The following ZNF827 variants were observed in gnomAD, a reference collection of about 807,000 sequenced individuals.
ZNF827 encodes zinc finger protein 827.
Under a neutral mutation model 102.4 loss-of-function variants are expected in ZNF827, and 13 were observed. The observed-to-expected ratio is 0.13, with a 90% confidence interval of 0.08 to 0.20. ZNF827 has a LOEUF of 0.20. Among genes scored for constraint, ZNF827 ranks in the 10% least tolerant of loss-of-function variants. The probability of loss-of-function intolerance (pLI) is 1.00; values close to 1 mark genes in which losing one functional copy is unlikely to be tolerated. For missense variants in ZNF827, 1,103 were observed against 1,344.4 expected (o/e 0.82, Z 2.81); for synonymous variants, 523 against 536.2 (o/e 0.98, Z 0.34).
intron 5 of ZNF827, among the ~76,000 whole-genome samples, chr4:145,858,443 G>A (rs1208858704): frequency 6.6e-6 from 1 of 151,928 alleles, no homozygotes; most frequent in African/African-American, 2.4e-5. Flanking sequence ...AACAGCCTGG[G>A]TGGGTAACAT....
Position 145,903,104 on chromosome 4 carries a change from T to G in ZNF827, c.155A>C (p.Tyr52Ser), listed in dbSNP as rs1308090747. ...GATCCGGTCCTCCAGAGACAACTTA[T>G]AGTTCTCCTGGACTTCCCCATAGGA... Reference protein sequence around the residue: ...EASYGEVQENYKLSLEDRIQE... With the variant: ...EASYGEVQENSKLSLEDRIQE... The change falls in exon 2 of 15, where the codon TAT becomes TCT. Residue 52 changes from tyrosine (Y) to serine (S), a missense_variant. Tyr to Ser is a moderately radical substitution (Grantham distance 144, BLOSUM62 -2). This residue lies in a region of ZNF827 where 441 missense variants were observed against 458.6 expected (regional missense o/e 0.96). Coordinates refer to ENST00000508784, the MANE Select transcript of ZNF827 (RefSeq NM_001306215.2). The G allele has an allele frequency of 1.2e-6, 2 of 1,614,198 alleles. No individual in the cohort carries two copies. The highest frequency in any genetic ancestry group is 2.2e-5 in the South Asian group (2 of 91,074).
intron 8 of ZNF827, among the ~76,000 whole-genome samples, chr4:145,800,441 C>T (rs2127101804): frequency 6.6e-6 from 1 of 151,652 alleles, no homozygotes. Context: ...GCAACCTCTA[C>T]CTCCCTGGAT....
intron 8 of ZNF827, chr4:145,820,030 CCA>C (rs1742993276): frequency 6.6e-6 from 1 of 152,350 alleles, no homozygotes; most frequent in Non-Finnish European, 1.5e-5. Flanking sequence ...TCTTCACAGT[CCA>C]CAGTTCTACC....
intron 8 of ZNF827, among the ~76,000 whole-genome samples, chr4:145,812,497 ATATTTATT>A (rs71592421): frequency 0.24 from 34,136 of 143,700 alleles, 4,099 homozygotes; most frequent in Admixed American, 0.28. Context: ...AAACCATTTT[ATATTTATT>A]TATTTATTTA....
chr4:145,829,948 G>A lies in ZNF827; in HGVS notation c.2280-6423C>T, dbSNP rs151199358. ...GAGAAACCCTCCAGGAGTTACACAC[G>A]GCATTAACATTTTGAAGTGTACAGG... On this transcript the variant is annotated intron_variant, in intron 7 of 14. Coordinates refer to ENST00000508784, the MANE Select transcript of ZNF827 (RefSeq NM_001306215.2). 2.8e-3 allele frequency among the ~76,000 whole-genome samples: 424 copies of A among 152,252 alleles called. 1 individual carries two copies. Among genetic ancestry groups the A allele is most frequent in the African/African-American group, 9.4e-3 (392 of 41,548 alleles).
intron 7 of ZNF827, among the ~76,000 whole-genome samples, chr4:145,827,885 G>T (rs373013114): frequency 6.6e-6 from 1 of 152,150 alleles, no homozygotes; most frequent in Non-Finnish European, 1.5e-5. Flanking sequence ...ATCATATTCC[G>T]TAAGTTCTTT....
intron 8 of ZNF827, among the ~76,000 whole-genome samples, chr4:145,798,458 G>C (rs1740584815): frequency 6.6e-6 from 1 of 152,196 alleles, no homozygotes; most frequent in Non-Finnish European, 1.5e-5. Flanking sequence ...CTGAGATCAG[G>C]AGTTCAAGAC....
chr4:145,889,554 C>CTTTT (rs36000739), intron 3 of ZNF827, among the ~76,000 whole-genome samples: 2 of 136,770 alleles, frequency 1.5e-5, no homozygotes, highest in Non-Finnish European at 3.1e-5. Flanking sequence ...ACTGACCCCA[C>CTTTT]TTTTTTTTTT....
intron 3 of ZNF827, among the ~76,000 whole-genome samples, chr4:145,889,889 A>T (rs1361250729): frequency 1.3e-5 from 2 of 151,710 alleles, no homozygotes; most frequent in East Asian, 3.9e-4. Flanking sequence ...AAGCAGGAGA[A>T]TCGCTTAGAG....
intron 2 of ZNF827, among the ~76,000 whole-genome samples, chr4:145,898,654 G>T (rs914829539): frequency 1.3e-5 from 2 of 152,042 alleles, no homozygotes; most frequent in African/African-American, 2.4e-5. Flanking sequence ...GGGGCGCAGG[G>T]TCACATGAAA....
At chr4:145,779,320 A>C (rs1737598046) in intron 9 of ZNF827, 54 bp downstream of exon 9, 8 of 1,582,936 alleles carry the variant, frequency 5.1e-6, no homozygotes, top group Non-Finnish European at 6.9e-6. Flanking sequence ...CCGGAGAGTA[A>C]AGAAGTTGGT....
rs1381719971 is a variant in ZNF827, at chr4:145,761,108, C to T, written c.*508G>A. ...GGAGACAGGAGATTCCGGGAGCTCC[C>T]GACCACCAGGAGCGGGGCCCCCGGG... On this transcript the variant is annotated 3_prime_UTR_variant, in exon 15 of 15. Coordinates refer to ENST00000508784, the MANE Select transcript of ZNF827 (RefSeq NM_001306215.2). This position sits in a 1 kb window ranked among gnomAD's most constrained non-coding sequence, Gnocchi z 6.8. The T allele has an allele frequency of 1.0e-5, 13 of 1,289,540 alleles. No individual in the cohort carries two copies. Among genetic ancestry groups the T allele is most frequent in the Admixed American group, 9.2e-5 (4 of 43,566 alleles). 79.9% of individuals were successfully genotyped at this position (1,289,540 alleles called of 1,614,324 possible).
intron 8 of ZNF827, 58 bp from the exon 9 acceptor site, chr4:145,779,569 T>G: frequency 1.3e-6 from 2 of 1,581,538 alleles, no homozygotes; most frequent in Non-Finnish European, 1.7e-6. Flanking sequence ...CATTTTCTGT[T>G]AGTCAACATT....
At chr4:145,889,859 C>G (rs1005337565) in intron 3 of ZNF827, among the ~76,000 whole-genome samples, 2 of 152,090 alleles carry the variant, frequency 1.3e-5, no homozygotes, top group Middle Eastern at 6.8e-3. Flanking sequence ...CGCCTGTAGT[C>G]CCAGCTACTC....
intron 2 of ZNF827, among the ~76,000 whole-genome samples, chr4:145,893,864 C>T (rs776913829): frequency 6.6e-5 from 10 of 151,724 alleles, no homozygotes; most frequent in Admixed American, 5.2e-4. Flanking sequence ...TCAAGACAAA[C>T]GACCCAGTTT....
intron 6 of ZNF827, among the ~76,000 whole-genome samples, chr4:145,847,084 G>A (rs892744394): frequency 2.0e-5 from 3 of 152,116 alleles, no homozygotes; most frequent in Admixed American, 1.3e-4. Context: ...AACCTAGGAG[G>A]TGGAGGGTGT....
In ZNF827 at chr4:145,903,101, T is replaced by C. The variant is rs776608540; in HGVS notation, c.158A>G (p.Lys53Arg). Residue 53 changes from lysine to arginine, a missense_variant, in exon 2 of 15, where the codon AAG (lysine) becomes AGG (arginine). By Grantham distance (26) the Lys-to-Arg change is conservative (BLOSUM62 2). Transcript: ENST00000508784. ...CTGGATCCGGTCCTCCAGAGACAAC[T>C]TATAGTTCTCCTGGACTTCCCCATA... ...ASYGEVQENY[K>R]LSLEDRIQEQ... 3.1e-6 allele frequency: 5 copies of C among 1,614,070 alleles called. No individual in the cohort carries two copies. In the African/African-American group the frequency reaches 6.7e-5, roughly 22 times the overall value.
At chr4:145,780,474 G>A (rs1737810010) in intron 8 of ZNF827, among the ~76,000 whole-genome samples, 1 of 152,188 alleles carries the variant, frequency 6.6e-6, no homozygotes, top group Non-Finnish European at 1.5e-5. Context: ...AGTGCCACAA[G>A]TTATCTACCC....
At chr4:145,864,290 A>T (rs1747984161) in intron 5 of ZNF827, among the ~76,000 whole-genome samples, 1 of 151,830 alleles carries the variant, frequency 6.6e-6, no homozygotes, top group African/African-American at 2.4e-5. Context: ...CTGGCCAGGC[A>T]TAGTAGCTCA....
Sources: gnomAD v4.1 joint callset for allele counts (sites outside exome capture counted in the v4.1 genomes callset) on GRCh38, gnomAD v4.1.1 for gene constraint, gnomAD v4.1.1 regional missense constraint, Gnocchi (gnomAD v3.1) non-coding constraint, MANE v1.5 for transcripts, NCBI Gene and HGNC (gene_info 2026-07-23, HGNC 2026-07-21) for gene names.